The following UBN2 variants were observed in gnomAD, a reference collection of about 807,000 sequenced individuals.
UBN2 encodes the protein ubinuclein 2, also known as ubinuclein-2.
In UBN2, 35 loss-of-function variants were observed where a neutral mutation model predicts 120.2. That is an observed-to-expected ratio of 0.29 (90% CI 0.22 to 0.39). The LOEUF (loss-of-function observed/expected upper bound fraction) is 0.39, where lower values mean the gene tolerates loss of function less well. Among genes scored for constraint, UBN2 ranks in the 10% least tolerant of loss-of-function variants. The pLI is 1.00. For synonymous variants in UBN2, 661 were observed against 648.7 expected (o/e 1.02, Z -0.29); for missense variants, 1,693 against 1,663.2 (o/e 1.02, Z -0.31).
intron 9 of UBN2, 60 bp downstream of exon 9, chr7:139,272,500 A>G: frequency 3.1e-6 from 2 of 643,160 alleles, no homozygotes; most frequent in Non-Finnish European, 5.2e-6. Context: ...TACGTTATGT[A>G]TGTATGTATG....
chr7:139,295,568 C>T (rs958503493), intron 17 of UBN2, among the ~76,000 whole-genome samples: 4 of 152,092 alleles, frequency 2.6e-5, no homozygotes, highest in South Asian at 2.1e-4. Flanking sequence ...ACTGCTATTC[C>T]GAGGGGAGAA....
chr7:139,291,376 A>C (rs1281265320), intron 15 of UBN2, among the ~76,000 whole-genome samples: 3 of 151,268 alleles, frequency 2.0e-5, no homozygotes, highest in African/African-American at 4.8e-5. Flanking sequence ...AAAAAAAAAA[A>C]AAAAAACATG....
chr7:139,309,637 A>T (rs1798421982), downstream of UBN2, among the ~76,000 whole-genome samples: 2 of 152,232 alleles, frequency 1.3e-5, no homozygotes, highest in Admixed American at 1.3e-4. Flanking sequence ...AAAGGTGGCC[A>T]AGGCCGGTGG....
At chr7:139,253,227 AGCATCTGGGTGCATTTATCT>A (rs1796667474) in intron 3 of UBN2, among the ~76,000 whole-genome samples, 1 of 150,358 alleles carries the variant, frequency 6.7e-6, no homozygotes, top group African/African-American at 2.5e-5. Context: ...CAAATAACGG[AGCATCTGGGTGCATTTATCT>A]ACTGAAGTAA....
chr7:139,283,303 G>A lies in UBN2; in HGVS notation c.2398G>A (p.Gly800Arg), dbSNP rs763211871. 1 of 1,613,914 alleles carries A rather than the reference G, an allele frequency of 6.2e-7. No individual in the cohort carries two copies. The highest frequency in any genetic ancestry group is 1.1e-5 in the South Asian group (1 of 91,066). ...CATGCCAACCACAAAGCCTCGTCCA[G>A]GACTGAGAGAAGAAAAATTAGCAAG... Reference protein sequence around the residue: ...ISMPTTKPRPGLREEKLASIM... With the variant: ...ISMPTTKPRPRLREEKLASIM... The change falls in exon 15 of 18, where the codon GGA becomes AGA. Residue 800 changes from glycine (G) to arginine (R), a missense_variant. Gly to Arg is a moderately radical substitution (Grantham distance 125). This residue lies in a region of UBN2 where 837 missense variants were observed against 817.6 expected (regional missense o/e 1.02). Coordinates refer to ENST00000473989, the MANE Select transcript of UBN2 (RefSeq NM_173569.4).
rs1798260193 is a variant in UBN2 at position 139,301,658 on chromosome 7, A to G, written c.*3822A>G. 1 of 151,588 alleles carries G rather than the reference A, an allele frequency of 6.6e-6. No individual in the cohort carries two copies. The highest frequency in any genetic ancestry group is 1.5e-5 in the Non-Finnish European group (1 of 67,880). 9.4% of individuals were successfully genotyped at this position (151,588 alleles called of 1,614,324 possible). On this transcript the variant is annotated 3_prime_UTR_variant, in exon 18 of 18. Transcript: ENST00000473989. ...GCACACTGGTCCCTTTGTTGTTTTT[A>G]TTATTTAGGTTTGGAATTTGTTTGC... is the stretch of plus-strand genomic sequence containing the variant.
At chr7:139,268,378 G>A (rs1797160134) in intron 7 of UBN2, among the ~76,000 whole-genome samples, 2 of 151,192 alleles carry the variant, frequency 1.3e-5, no homozygotes, top group South Asian at 4.2e-4. Context: ...TTTCTGTATT[G>A]AGTTGCCCTT....
At chr7:139,265,373 G>A (rs1797064495) in intron 6 of UBN2, among the ~76,000 whole-genome samples, 1 of 152,060 alleles carries the variant, frequency 6.6e-6, no homozygotes, top group Non-Finnish European at 1.5e-5. Context: ...AGCTACTTGG[G>A]AGGCTGAGGC....
intron 2 of UBN2, among the ~76,000 whole-genome samples, chr7:139,247,688 T>C (rs1796508356): frequency 6.6e-6 from 1 of 152,248 alleles, no homozygotes; most frequent in Non-Finnish European, 1.5e-5. Context: ...ATATATTTTA[T>C]GCCCCAGTAA....
In UBN2 at chr7:139,305,720, A is replaced by G. The variant is rs1016177893; in HGVS notation, c.*7884A>G. 2 of 152,222 alleles carry G rather than the reference A, an allele frequency of 1.3e-5. No homozygotes were observed. The highest frequency in any genetic ancestry group is 6.5e-5 in the Admixed American group (1 of 15,284). 9.4% of individuals were successfully genotyped at this position (152,222 alleles called of 1,614,324 possible). A position where few individuals can be genotyped will look rare whatever the true frequency, so the allele number is the denominator to read the frequency against. ...GTCTCTGTGTCTAGGACTTACAGTC[A>G]TCAGTGGTCATCACTGGGACTAGAG... On this transcript the variant is annotated 3_prime_UTR_variant, in exon 18 of 18. Transcript: ENST00000473989.
intron 15 of UBN2, among the ~76,000 whole-genome samples, chr7:139,286,764 C>T (rs1251035266): frequency 6.6e-6 from 1 of 152,066 alleles, no homozygotes; most frequent in African/African-American, 2.4e-5. Flanking sequence ...TGTACTGTCT[C>T]CTATTTATGT....
chr7:139,306,453 C>T lies in UBN2; in HGVS notation c.*8617C>T, dbSNP rs1798359426. 2 of 152,170 alleles carry T rather than the reference C, an allele frequency of 1.3e-5. No individual in the cohort carries two copies. The highest frequency in any genetic ancestry group is 1.3e-4 in the Admixed American group (2 of 15,268). The allele number at this position is 152,170 out of a possible 1,614,324, so 9.4% of individuals were successfully genotyped here. On this transcript the variant is annotated 3_prime_UTR_variant, in exon 18 of 18. Transcript: ENST00000473989. The stretch of plus-strand genomic sequence containing the variant: ...AGTTGACAAAAGTATTACTGTTATA[C>T]ATAGTTAATTGGAAAGTTGGCCAAC...
At chr7:139,246,653 A>G (rs574845791) in intron 2 of UBN2, among the ~76,000 whole-genome samples, 1 of 152,338 alleles carries the variant, frequency 6.6e-6, no homozygotes, top group Admixed American at 6.5e-5. Context: ...CACTACTACA[A>G]TCATGATACG....
chr7:139,256,463 T>C lies in UBN2; in HGVS notation c.664-2025T>C, dbSNP rs376018131. Among the ~76,000 whole-genome samples the C allele has an allele frequency of 9.2e-5, 14 of 152,310 alleles. 1 individual carries two copies. The East Asian group carries it at 1.2e-3, about 13-fold the overall frequency. ...AGCCACTGACTTTGCCATAAACATA[T>C]GTATAGAATTGCTTTGGTAAGGTGC... On this transcript the variant is annotated intron_variant, in intron 3 of 17. Coordinates refer to ENST00000473989, the MANE Select transcript of UBN2 (RefSeq NM_173569.4).
At chr7:139,252,378 A>T (rs1486897188) in intron 3 of UBN2, among the ~76,000 whole-genome samples, 2 of 152,172 alleles carry the variant, frequency 1.3e-5, no homozygotes, top group African/African-American at 4.8e-5. Context: ...ACAACTACAC[A>T]AGTTTGCCAT....
Position 139,240,429 on chromosome 7 carries a change from AATAT to A in UBN2, c.561+3355_561+3358del, listed in dbSNP as rs201805771. On this transcript the variant is annotated intron_variant, in intron 2 of 17. Coordinates refer to ENST00000473989, the MANE Select transcript of UBN2 (RefSeq NM_173569.4). ...GATATGAGCCACTGTACCCAGCCTA[AATAT>A]ATATATATATATATATATATATTTT... Among the ~76,000 whole-genome samples, 563 of 133,220 alleles carry A rather than the reference AATAT, an allele frequency of 4.2e-3. 4 individuals are homozygous for A. Among genetic ancestry groups the A allele is most frequent in the South Asian group, 0.033 (140 of 4,222 alleles). The allele number at this position is 133,220 out of a possible 152,430, so 87.4% of individuals were successfully genotyped here. A position where few individuals can be genotyped will look rare whatever the true frequency, so the allele number is the denominator to read the frequency against.
chr7:139,270,196 G>A (rs1270880328), intron 8 of UBN2, among the ~76,000 whole-genome samples: 1 of 151,130 alleles, frequency 6.6e-6, no homozygotes, highest in Non-Finnish European at 1.5e-5. Flanking sequence ...AATACTGTCT[G>A]CTTTCTTCTG....
chr7:139,284,335 C>T lies in UBN2; in HGVS notation c.3430C>T (p.Gln1144Ter). The change falls in exon 15 of 18, where the codon CAG becomes TAG. Residue 1144 changes from glutamine (Q) to a stop codon, truncating the protein, a stop_gained. Coordinates refer to ENST00000473989, the MANE Select transcript of UBN2 (RefSeq NM_173569.4). LOFTEE classifies it high-confidence loss of function. ...AGGCCTTCCACCTACAAAAAATCTT[C>T]AGGCCCCCTCAAAGCTAACAAACTC... is the stretch of plus-strand genomic sequence containing the variant. Reference protein sequence around the residue: ...TSGLPPTKNLQAPSKLTNSSS... With the variant: ...TSGLPPTKNL 6.2e-7 allele frequency: 1 copy of T among 1,614,172 alleles called. No homozygotes were observed. The highest frequency in any genetic ancestry group is 8.5e-7 in the Non-Finnish European group (1 of 1,180,030).
intron 17 of UBN2, among the ~76,000 whole-genome samples, chr7:139,295,718 G>A (rs1455473075): frequency 2.6e-5 from 4 of 152,168 alleles, no homozygotes; most frequent in African/African-American, 7.2e-5. Context: ...CCAGGAGTTC[G>A]AGACCAACCT....
Sources: gnomAD v4.1 joint callset for allele counts (sites outside exome capture counted in the v4.1 genomes callset) on GRCh38, gnomAD v4.1.1 for gene constraint, gnomAD v4.1.1 regional missense constraint, MANE v1.5 for transcripts, NCBI Gene and HGNC (gene_info 2026-07-23, HGNC 2026-07-21) for gene names.